RABGAP1L: variants seen among roughly 807,000 people sequenced by gnomAD.
RABGAP1L encodes RAB GTPase activating protein 1 like, also known as rab GTPase-activating protein 1-like.
Under a neutral mutation model 137.7 loss-of-function variants are expected in RABGAP1L, and 63 were observed. The observed-to-expected ratio is 0.46, with a 90% CI of 0.37 to 0.56. The LOEUF is 0.56. RABGAP1L is among the 20% of genes least tolerant of loss of function. RABGAP1L has a pLI of 0.00. For missense variants in RABGAP1L, 1,095 were observed against 1,244.0 expected (o/e 0.88, Z 1.80); for synonymous variants, 431 against 433.7 (o/e 0.99, Z 0.08).
At chr1:174,848,444 A>T (rs1249138362) in intron 19 of RABGAP1L, among the ~76,000 whole-genome samples, 1 of 145,792 alleles carries the variant, frequency 6.9e-6, no homozygotes, top group East Asian at 2.0e-4. Context: ...TTTCCTTCTA[A>T]CAGACAGGAC....
At chr1:174,238,135 C>T (rs2148538415) in intron 4 of RABGAP1L, among the ~76,000 whole-genome samples, 1 of 152,242 alleles carries the variant, frequency 6.6e-6, no homozygotes, top group Non-Finnish European at 1.5e-5. Flanking sequence ...CTCCTTTAGG[C>T]ACTTCTCTGT....
intron 11 of RABGAP1L, among the ~76,000 whole-genome samples, chr1:174,330,191 A>G (rs1288497281): frequency 6.6e-6 from 1 of 152,164 alleles, no homozygotes; most frequent in Non-Finnish European, 1.5e-5. Context: ...CTAATAAACA[A>G]ATTCAGTAAA....
intron 19 of RABGAP1L, among the ~76,000 whole-genome samples, chr1:174,834,131 AGAAG>A (rs1249254964): frequency 6.6e-6 from 1 of 152,206 alleles, no homozygotes; most frequent in Non-Finnish European, 1.5e-5. Context: ...ATCCTGATAT[AGAAG>A]TAAATTCTAG....
At chr1:174,710,985 G>A (rs1680447865) in intron 17 of RABGAP1L, among the ~76,000 whole-genome samples, 1 of 152,180 alleles carries the variant, frequency 6.6e-6, no homozygotes, top group Non-Finnish European at 1.5e-5. Flanking sequence ...CTCAGGCATG[G>A]CGGGCTGCAG....
chr1:174,981,413 G>T (rs542528452), intron 23 of RABGAP1L, among the ~76,000 whole-genome samples: 2 of 152,232 alleles, frequency 1.3e-5, no homozygotes, highest in South Asian at 4.1e-4. Flanking sequence ...AACTCAGCAA[G>T]CAAGCCCTCA....
intron 14 of RABGAP1L, among the ~76,000 whole-genome samples, chr1:174,653,286 C>T (rs1675697069): frequency 6.6e-6 from 1 of 152,094 alleles, no homozygotes; most frequent in Non-Finnish European, 1.5e-5. Context: ...TGGCTTCAGC[C>T]CCCTTTCCAG....
chr1:174,165,858 A>G (rs540345216), intron 1 of RABGAP1L, among the ~76,000 whole-genome samples: 3 of 152,324 alleles, frequency 2.0e-5, no homozygotes, highest in African/African-American at 7.2e-5. Flanking sequence ...GACAACTAGT[A>G]TGAGAGAAAG....
chr1:174,545,766 A>G (rs984886189), intron 13 of RABGAP1L: 4 of 152,230 alleles, frequency 2.6e-5, no homozygotes, highest in African/African-American at 4.8e-5. Context: ...GTTGCTGCCT[A>G]TGTAATTTTG....
intron 13 of RABGAP1L, among the ~76,000 whole-genome samples, chr1:174,621,930 G>A (rs532454159): frequency 2.0e-5 from 3 of 152,274 alleles, no homozygotes; most frequent in Non-Finnish European, 4.4e-5. Context: ...TACAAAATGG[G>A]AGAAAATTTT....
intron 11 of RABGAP1L, among the ~76,000 whole-genome samples, chr1:174,347,499 G>GTGTGTT (rs1435752550): frequency 1.5e-5 from 2 of 130,924 alleles, no homozygotes. Context: ...GTGTGTGTGT[G>GTGTGTT]TTTTTTTCTT....
In RABGAP1L at chr1:174,559,857, C is replaced by T. The variant is rs190798720; in HGVS notation, c.1711-77518C>T. 9.8e-3 allele frequency among the ~76,000 whole-genome samples: 1,496 copies of T among 152,220 alleles called. 11 individuals carry two copies. Among genetic ancestry groups the T allele is most frequent in the Non-Finnish European group, 0.013 (888 of 68,012 alleles). The stretch of plus-strand genomic sequence containing the variant: ...GTATCCAAAAAAGTTCCCTTTTGGC[C>T]GAGTGTGGTGGCTCACGCCTGTAAT... On this transcript the variant is annotated intron_variant, in intron 13 of 25. Coordinates refer to ENST00000681986, the MANE Select transcript of RABGAP1L (RefSeq NM_001366446.1).
intron 22 of RABGAP1L, among the ~76,000 whole-genome samples, chr1:174,977,200 TTTATAA>T (rs1670719579): frequency 1.3e-5 from 2 of 152,234 alleles, no homozygotes; most frequent in Non-Finnish European, 2.9e-5. Context: ...CCTTCCAGAC[TTTATAA>T]AAAGTGTTCC....
intron 1 of RABGAP1L, among the ~76,000 whole-genome samples, chr1:174,213,745 G>A (rs1425864068): frequency 1.3e-5 from 2 of 151,936 alleles, no homozygotes; most frequent in Admixed American, 1.3e-4. Context: ...GATTTCAGAT[G>A]ATGATTTCAG....
At chr1:174,521,852 G>A (rs1304842849) in intron 13 of RABGAP1L, among the ~76,000 whole-genome samples, 3 of 152,188 alleles carry the variant, frequency 2.0e-5, no homozygotes, top group Admixed American at 1.3e-4. Flanking sequence ...AGGTTGAGGC[G>A]GGCGGATCAG....
intron 12 of RABGAP1L, among the ~76,000 whole-genome samples, chr1:174,375,681 TATTAGTTGACAAAATTGA>T (rs1685462774): frequency 6.6e-6 from 1 of 152,212 alleles, no homozygotes; most frequent in Admixed American, 6.5e-5. Context: ...AATACTCCTG[TATTAGTTGACAAAATTGA>T]ATTCATAGTT....
chr1:174,243,279 A>T (rs1271051980), intron 5 of RABGAP1L: 1 of 152,058 alleles, frequency 6.6e-6, no homozygotes, highest in African/African-American at 2.4e-5. Flanking sequence ...AGTGGAAGAA[A>T]CCCTGGGAAG....
intron 19 of RABGAP1L, 119 bp from the exon 20 acceptor site, chr1:174,957,338 C>T (rs576739596): frequency 2.7e-6 from 2 of 736,058 alleles, no homozygotes; most frequent in Admixed American, 2.5e-5. Context: ...CTATTTTTCT[C>T]CTAACTTTGA....
At chr1:174,581,775 G>A (rs141413418) in intron 13 of RABGAP1L, among the ~76,000 whole-genome samples, 1 of 152,260 alleles carries the variant, frequency 6.6e-6, no homozygotes, top group Non-Finnish European at 1.5e-5. Context: ...CTCAGGTCCT[G>A]AAATAAGGTA....
At chr1:174,625,753 A>G (rs1215221819) in intron 13 of RABGAP1L, among the ~76,000 whole-genome samples, 1 of 152,216 alleles carries the variant, frequency 6.6e-6, no homozygotes, top group Non-Finnish European at 1.5e-5. Flanking sequence ...AACTTTGGCC[A>G]TATATGGATG....
Sources: gnomAD v4.1 joint callset for allele counts (sites outside exome capture counted in the v4.1 genomes callset) on GRCh38, gnomAD v4.1.1 for gene constraint, MANE v1.5 for transcripts, NCBI Gene and HGNC (gene_info 2026-07-23, HGNC 2026-07-21) for gene names.